Variants in LDB2 observed in about 807,000 individuals in gnomAD.
LDB2 encodes LIM domain-binding protein 2.
In LDB2, 12 loss-of-function variants were observed where a neutral mutation model predicts 44.3. That is an observed-to-expected ratio of 0.27 (90% CI 0.17 to 0.44). The LOEUF (loss-of-function observed/expected upper bound fraction) is 0.44, where lower values mean the gene tolerates loss of function less well. LDB2 is among the 20% of genes least tolerant of loss of function. The probability of loss-of-function intolerance (pLI) is 1.00; values close to 1 mark genes in which losing one functional copy is unlikely to be tolerated. For missense variants in LDB2, 344 were observed against 473.5 expected (o/e 0.73, Z 2.54); for synonymous variants, 164 against 174.8 (o/e 0.94, Z 0.49).
chr4:16,550,739 A>G (rs189212357), intron 5 of LDB2, among the ~76,000 whole-genome samples: 1 of 152,338 alleles, frequency 6.6e-6, no homozygotes, highest in East Asian at 1.9e-4. Context: ...TTTGGCAAAT[A>G]ATTCTACTCC....
chr4:16,565,977 CAT>C (rs1577791303), intron 5 of LDB2, among the ~76,000 whole-genome samples: 2 of 151,916 alleles, frequency 1.3e-5, no homozygotes, highest in African/African-American at 4.8e-5. Context: ...TACATACACA[CAT>C]ATACACACAC....
intron 1 of LDB2, among the ~76,000 whole-genome samples, chr4:16,845,312 G>A (rs17758950): frequency 0.017 from 2,561 of 152,284 alleles, 41 homozygotes; most frequent in Middle Eastern, 0.034. Context: ...ATGTCATCGA[G>A]ATCTCCTCTC....
At chr4:16,749,980 G>A (rs1440740513) in intron 2 of LDB2, among the ~76,000 whole-genome samples, 2 of 151,970 alleles carry the variant, frequency 1.3e-5, no homozygotes, top group East Asian at 1.9e-4. Context: ...TCCATGCCTC[G>A]TTGTACTTTT....
At chr4:16,763,048 G>A (rs1007342779) in intron 1 of LDB2, among the ~76,000 whole-genome samples, 2 of 150,032 alleles carry the variant, frequency 1.3e-5, no homozygotes, top group African/African-American at 4.9e-5. Flanking sequence ...GAGGTCTGCT[G>A]GGAGAATGGG....
At chr4:16,603,389 G>A (rs1304684917) in intron 2 of LDB2, among the ~76,000 whole-genome samples, 1 of 152,156 alleles carries the variant, frequency 6.6e-6, no homozygotes, top group Non-Finnish European at 1.5e-5. Flanking sequence ...CACAGAGGGC[G>A]CAGCAAGAGA....
chr4:16,874,067 G>T (rs949105213), intron 1 of LDB2, among the ~76,000 whole-genome samples: 2 of 151,962 alleles, frequency 1.3e-5, no homozygotes, highest in African/African-American at 4.8e-5. Context: ...GACATTTGGG[G>T]TTACTTCTGC....
chr4:16,800,122 G>A (rs895462392), intron 1 of LDB2, among the ~76,000 whole-genome samples: 4 of 150,216 alleles, frequency 2.7e-5, no homozygotes, highest in Non-Finnish European at 5.9e-5. Flanking sequence ...CAGAACCCTA[G>A]ACACATATTT....
At chr4:16,561,870 G>C (rs1023333065) in intron 5 of LDB2, among the ~76,000 whole-genome samples, 22 of 152,114 alleles carry the variant, frequency 1.4e-4, no homozygotes, top group African/African-American at 5.1e-4. Context: ...CCAAAACAGA[G>C]ATATAGACCA....
intron 2 of LDB2, among the ~76,000 whole-genome samples, chr4:16,611,602 C>T (rs533410652): frequency 6.7e-6 from 1 of 150,220 alleles, no homozygotes; most frequent in South Asian, 2.1e-4. Context: ...CAACAAAGGT[C>T]AAAAAAGACA....
At chr4:16,567,444 G>C (rs1744947970) in intron 5 of LDB2, among the ~76,000 whole-genome samples, 1 of 151,938 alleles carries the variant, frequency 6.6e-6, no homozygotes, top group African/African-American at 2.4e-5. Context: ...ATATATGCTT[G>C]TATATTCATG....
intron 1 of LDB2, among the ~76,000 whole-genome samples, chr4:16,785,092 G>A (rs982888219): frequency 6.6e-6 from 1 of 151,660 alleles, no homozygotes; most frequent in Non-Finnish European, 1.5e-5. Flanking sequence ...AGGTATGTGT[G>A]TATGTACGTA....
intron 5 of LDB2, among the ~76,000 whole-genome samples, chr4:16,584,790 C>T (rs192174259): frequency 1.1e-3 from 165 of 152,302 alleles, no homozygotes; most frequent in Admixed American, 2.7e-3. Flanking sequence ...CAACCATTTA[C>T]AGATGACAAT....
At chr4:16,641,725 C>A (rs1735215824) in intron 2 of LDB2, among the ~76,000 whole-genome samples, 1 of 152,122 alleles carries the variant, frequency 6.6e-6, no homozygotes, top group African/African-American at 2.4e-5. Context: ...CCATCTCCAA[C>A]ACTGGATGTC....
At chr4:16,870,607 C>T (rs1716256835) in intron 1 of LDB2, among the ~76,000 whole-genome samples, 1 of 151,120 alleles carries the variant, frequency 6.6e-6, no homozygotes, top group Non-Finnish European at 1.5e-5. Flanking sequence ...ATACCCACAA[C>T]ACTCACTTCC....
At chr4:16,825,086 G>T (rs536270455) in intron 1 of LDB2, among the ~76,000 whole-genome samples, 1 of 152,178 alleles carries the variant, frequency 6.6e-6, no homozygotes, top group Non-Finnish European at 1.5e-5. Flanking sequence ...CTTCCTGGAG[G>T]GGGTGGCTGG....
rs114876970 is a variant in LDB2, at chr4:16,520,647, A to G, written c.616-8543T>C. ...GTGTCCCTCCGTTCTCAGGCAGAGGAGAGTGGCGGCAGCTGTCACTCCAGT... is the reference window on the plus strand; with the variant it reads ...GTGTCCCTCCGTTCTCAGGCAGAGGGGAGTGGCGGCAGCTGTCACTCCAGT... On this transcript the variant is annotated intron_variant, in intron 5 of 7. Transcript: ENST00000304523. Among the ~76,000 whole-genome samples the G allele has an allele frequency of 1.2e-3, 184 of 152,276 alleles. 1 individual carries two copies. Among genetic ancestry groups the G allele is most frequent in the African/African-American group, 4.2e-3 (174 of 41,560 alleles).
intron 5 of LDB2, among the ~76,000 whole-genome samples, chr4:16,577,382 C>A (rs568506294): frequency 6.6e-6 from 1 of 152,032 alleles, no homozygotes; most frequent in Non-Finnish European, 1.5e-5. Flanking sequence ...AGTAAAGTTG[C>A]GCAATACAAA....
intron 1 of LDB2, among the ~76,000 whole-genome samples, chr4:16,821,716 C>A (rs1782067363): frequency 9.2e-6 from 1 of 108,384 alleles, no homozygotes. Context: ...TCCTTGGTAC[C>A]TGAAAATGGA....
intron 2 of LDB2, among the ~76,000 whole-genome samples, chr4:16,751,342 C>T (rs564642160): frequency 4.6e-5 from 7 of 152,080 alleles, no homozygotes; most frequent in East Asian, 3.8e-4. Flanking sequence ...CAACTTGTAC[C>T]GCACTTTAAA....
Sources: allele counts gnomAD v4.1 joint callset (sites outside exome capture counted in the v4.1 genomes callset), GRCh38; gene constraint gnomAD v4.1.1; transcripts MANE v1.5; gene names NCBI Gene and HGNC (gene_info 2026-07-23, HGNC 2026-07-21).